The following CASS4 variants were observed in gnomAD, a reference collection of about 807,000 sequenced individuals.
The protein encoded by CASS4 is cas scaffolding protein family member 4.
CASS4 carries 22 observed loss-of-function variants against 54.2 expected under a neutral mutation model. That is an observed-to-expected ratio of 0.41 (90% CI 0.29 to 0.58). The LOEUF (loss-of-function observed/expected upper bound fraction) is 0.58. Among genes scored for constraint, CASS4 ranks in the 20% least tolerant of loss-of-function variants. The pLI is 0.36. For synonymous variants in CASS4, 409 were observed against 391.5 expected (o/e 1.04, Z -0.53); for missense variants, 854 against 986.7 (o/e 0.87, Z 1.80).
At chr20:56,427,894 T>G (rs550747819) in intron 1 of CASS4, among the ~76,000 whole-genome samples, 2 of 152,326 alleles carry the variant, frequency 1.3e-5, no homozygotes, top group South Asian at 4.1e-4. Context: ...ATGCGAAACA[T>G]GGACATTTTT....
intron 2 of CASS4, among the ~76,000 whole-genome samples, chr20:56,443,208 G>T (rs1004679795): frequency 6.6e-6 from 1 of 151,482 alleles, no homozygotes; most frequent in South Asian, 2.1e-4. Flanking sequence ...CTGGCCTGGC[G>T]CGGTGGCTCA....
chr20:56,451,539 G>A (rs116103961), intron 4 of CASS4, among the ~76,000 whole-genome samples: 4 of 152,136 alleles, frequency 2.6e-5, no homozygotes, highest in Non-Finnish European at 5.9e-5. Context: ...AACCAGTTTG[G>A]GTAAAATTAA....
intron 1 of CASS4, among the ~76,000 whole-genome samples, chr20:56,422,077 G>A (rs77443343): frequency 2.6e-5 from 4 of 152,172 alleles, no homozygotes; most frequent in Admixed American, 6.5e-5. Flanking sequence ...CTCCTCCTTC[G>A]GTGGGTTTTT....
intron 5 of CASS4, among the ~76,000 whole-genome samples, chr20:56,454,134 T>C (rs1981172857): frequency 6.6e-6 from 1 of 152,138 alleles, no homozygotes; most frequent in Non-Finnish European, 1.5e-5. Flanking sequence ...TGAGCTGAGA[T>C]TGCATCACTG....
chr20:56,420,423 T>A (rs1979356333), intron 1 of CASS4, among the ~76,000 whole-genome samples: 1 of 152,106 alleles, frequency 6.6e-6, no homozygotes, highest in African/African-American at 2.4e-5. Flanking sequence ...GGGTCTCACT[T>A]TGTCACCCAG....
chr20:56,431,927 A>G (rs1279101876), intron 1 of CASS4, among the ~76,000 whole-genome samples: 1 of 152,178 alleles, frequency 6.6e-6, no homozygotes, highest in African/African-American at 2.4e-5. Flanking sequence ...TTTGTTCCCA[A>G]TGTAGATGGT....
chr20:56,425,806 C>G (rs1028551719), intron 1 of CASS4, among the ~76,000 whole-genome samples: 1 of 152,078 alleles, frequency 6.6e-6, no homozygotes, highest in African/African-American at 2.4e-5. Flanking sequence ...TTATCTAATC[C>G]CAAACCTCTA....
intron 1 of CASS4, among the ~76,000 whole-genome samples, chr20:56,426,786 C>T (rs1979661570): frequency 6.6e-6 from 1 of 152,118 alleles, no homozygotes; most frequent in Admixed American, 6.6e-5. Flanking sequence ...CCATGTTTCC[C>T]AGGCTGGTCT....
rs745826641 is a variant in CASS4, at chr20:56,412,514, TTGAA to T, written c.36+23_36+26del. The T allele has an allele frequency of 5.7e-5, 92 of 1,610,392 alleles. 2 individuals carry two copies. In the South Asian group the frequency reaches 7.9e-4, roughly 14 times the overall value. The stretch of plus-strand genomic sequence containing the variant: ...CCCAAGGTGAGTGATGTGGGGCTGT[TTGAA>T]TGGGCTCTGGCGGGGAGCAAGCTGT... On this transcript the variant is annotated intron_variant, in intron 1 of 5. Coordinates refer to ENST00000679887, the MANE Select transcript of CASS4 (RefSeq NM_020356.4). This position sits in a 1 kb window ranked among gnomAD's most constrained non-coding sequence, Gnocchi z 4.2.
At chr20:56,446,365 A>G (rs1357525014) in intron 3 of CASS4, among the ~76,000 whole-genome samples, 1 of 152,072 alleles carries the variant, frequency 6.6e-6, no homozygotes, top group Non-Finnish European at 1.5e-5. Flanking sequence ...TGCTGGGATT[A>G]TGGGCATAAG....
At chr20:56,443,640 AGGT>A (rs1322695258) in intron 2 of CASS4, among the ~76,000 whole-genome samples, 4 of 152,006 alleles carry the variant, frequency 2.6e-5, no homozygotes, top group Non-Finnish European at 5.9e-5. Context: ...AAACAGGAAA[AGGT>A]AGCATCGTGA....
At chr20:56,442,380 G>A (rs1980501853) in intron 2 of CASS4, among the ~76,000 whole-genome samples, 2 of 151,784 alleles carry the variant, frequency 1.3e-5, no homozygotes, top group Non-Finnish European at 2.9e-5. Flanking sequence ...AGCTGATGAA[G>A]TACGACTTCC....
chr20:56,455,918 C>A (rs1055269676), intron 5 of CASS4, among the ~76,000 whole-genome samples: 17 of 151,848 alleles, frequency 1.1e-4, no homozygotes, highest in African/African-American at 4.1e-4. Context: ...GCAACAAGAA[C>A]AAGACTCTGT....
chr20:56,417,430 C>G (rs1979191297), intron 1 of CASS4, among the ~76,000 whole-genome samples: 1 of 152,220 alleles, frequency 6.6e-6, no homozygotes, highest in South Asian at 2.1e-4. Flanking sequence ...CTGGACCACG[C>G]TGTGCAAATC....
At chr20:56,441,375 C>A (rs1980448925) in intron 2 of CASS4, among the ~76,000 whole-genome samples, 2 of 151,454 alleles carry the variant, frequency 1.3e-5, no homozygotes, top group African/African-American at 4.8e-5. Context: ...GAGGCCAAGG[C>A]GGGTGGATCA....
chr20:56,446,581 AT>A (rs1980723683), intron 3 of CASS4, among the ~76,000 whole-genome samples: 1 of 152,078 alleles, frequency 6.6e-6, no homozygotes, highest in South Asian at 2.1e-4. Context: ...GGAATATCAC[AT>A]TTGTAAGACA....
intron 2 of CASS4, among the ~76,000 whole-genome samples, chr20:56,440,988 A>ATTTT (rs751312557): frequency 2.2e-5 from 3 of 134,914 alleles, no homozygotes; most frequent in African/African-American, 8.7e-5. Context: ...AAAAAAAAAA[A>ATTTT]TTTTTTTTTT....
intron 1 of CASS4, among the ~76,000 whole-genome samples, chr20:56,413,910 T>C (rs565812713): frequency 6.6e-6 from 1 of 152,298 alleles, no homozygotes; most frequent in Admixed American, 6.5e-5. Flanking sequence ...TTTGTCATAT[T>C]TGTGTGCATT....
At chr20:56,451,365 A>G (rs1043893069) in intron 4 of CASS4, among the ~76,000 whole-genome samples, 2 of 152,168 alleles carry the variant, frequency 1.3e-5, no homozygotes, top group African/African-American at 4.8e-5. Flanking sequence ...TGTGTAATCT[A>G]TGTTTATAAT....
Sources: allele counts gnomAD v4.1 joint callset (sites outside exome capture counted in the v4.1 genomes callset), GRCh38; gene constraint gnomAD v4.1.1; non-coding constraint Gnocchi (gnomAD v3.1); transcripts MANE v1.5; gene names NCBI Gene and HGNC (gene_info 2026-07-23, HGNC 2026-07-21).